The following ME1 variants were observed in gnomAD, a reference collection of about 807,000 sequenced individuals.
ME1 encodes malic enzyme 1.
In ME1, 74 loss-of-function variants were observed where a neutral mutation model predicts 66.4. The observed-to-expected ratio is 1.11, with a 90% CI of 0.92 to 1.35. The LOEUF is 1.35. ME1 is among the 40% of genes most tolerant of loss of function. ME1 has a pLI of 0.00. For missense variants in ME1, 750 were observed against 694.1 expected (o/e 1.08, Z -0.90); for synonymous variants, 251 against 235.6 (o/e 1.07, Z -0.60).
At chr6:83,266,975 T>C (rs1482896806) in intron 6 of ME1, among the ~76,000 whole-genome samples, 2 of 152,186 alleles carry the variant, frequency 1.3e-5, no homozygotes, top group Non-Finnish European at 2.9e-5. Context: ...AGTATGCTTA[T>C]ATTTCAGCCT....
At chr6:83,357,925 CTCTCTCTCTCTATA>C (rs1200894640) in intron 3 of ME1, among the ~76,000 whole-genome samples, 4 of 58,174 alleles carry the variant, frequency 6.9e-5, no homozygotes, top group African/African-American at 1.1e-4. Context: ...CTCTCTCTCT[CTCTCTCTCTCTATA>C]TATATATATA....
At chr6:83,316,517 A>G (rs1768032689) in intron 5 of ME1, among the ~76,000 whole-genome samples, 1 of 152,150 alleles carries the variant, frequency 6.6e-6, no homozygotes, top group Non-Finnish European at 1.5e-5. Flanking sequence ...AGGGAACAAG[A>G]CAAGAATACT....
chr6:83,356,593 C>T (rs1490478182), intron 3 of ME1, among the ~76,000 whole-genome samples: 1 of 152,020 alleles, frequency 6.6e-6, no homozygotes, highest in East Asian at 1.9e-4. Context: ...CTAAGAATGG[C>T]CTTTGAGAAG....
chr6:83,212,113 T>C lies in ME1; in HGVS notation c.1549-19A>G. 1 of 1,545,404 alleles carries C rather than the reference T, an allele frequency of 6.5e-7. No homozygotes were observed. The highest frequency in any genetic ancestry group is 8.8e-7 in the Non-Finnish European group (1 of 1,137,698). Reference sequence around the variant, plus strand: ...TCACAATCTAGATATAAGAAAAGAATATTAATTATTTTAATAAATAGAGGT... The same window carrying C: ...TCACAATCTAGATATAAGAAAAGAACATTAATTATTTTAATAAATAGAGGT... On this transcript the variant is annotated intron_variant, in intron 13 of 13. Coordinates refer to ENST00000369705, the MANE Select transcript of ME1 (RefSeq NM_002395.6).
chr6:83,268,088 C>T (rs993054750), intron 6 of ME1, among the ~76,000 whole-genome samples: 1 of 152,066 alleles, frequency 6.6e-6, no homozygotes, highest in Admixed American at 6.6e-5. Context: ...CTTTTCATTC[C>T]TTTTCTTTTT....
At chr6:83,398,243 A>T in intron 3 of ME1, 124 bp downstream of exon 3, 1 of 655,154 alleles carries the variant, frequency 1.5e-6, no homozygotes, top group Non-Finnish European at 2.5e-6. Flanking sequence ...CATCCTCTGT[A>T]CATCATAAAT....
At chr6:83,319,759 C>T (rs1282926083) in intron 5 of ME1, among the ~76,000 whole-genome samples, 3 of 152,160 alleles carry the variant, frequency 2.0e-5, no homozygotes, top group Non-Finnish European at 2.9e-5. Context: ...AAGAATATTC[C>T]CTTCTCTTCC....
intron 3 of ME1, chr6:83,392,876 C>G: frequency 1.3e-6 from 1 of 786,712 alleles, no homozygotes; most frequent in East Asian, 2.5e-5. Flanking sequence ...CCTGCACCAC[C>G]AGCTGCTTAA....
chr6:83,257,373 C>T (rs1766792899), intron 6 of ME1, among the ~76,000 whole-genome samples: 3 of 151,670 alleles, frequency 2.0e-5, no homozygotes, highest in Admixed American at 1.3e-4. Flanking sequence ...AATTTTTATC[C>T]ATATAAAATA....
chr6:83,215,370 T>C (rs9444046), intron 13 of ME1, among the ~76,000 whole-genome samples: 20,015 of 152,158 alleles, frequency 0.13, 1,722 homozygotes, highest in East Asian at 0.25. Context: ...TGCTGAAGAT[T>C]GTACAATGCC....
intron 2 of ME1, among the ~76,000 whole-genome samples, chr6:83,406,523 G>A (rs1400294809): frequency 1.3e-5 from 2 of 152,062 alleles, no homozygotes; most frequent in Admixed American, 1.3e-4. Flanking sequence ...TCATGAGGGT[G>A]CCATTTTTAC....
intron 3 of ME1, among the ~76,000 whole-genome samples, chr6:83,393,656 C>A (rs1769675428): frequency 1.3e-5 from 2 of 151,904 alleles, no homozygotes; most frequent in Non-Finnish European, 2.9e-5. Context: ...GACTTCAACT[C>A]AAATACTTCG....
At chr6:83,268,728 G>GTTATCATTATTATTA (rs1554264425) in intron 6 of ME1, among the ~76,000 whole-genome samples, 1 of 143,772 alleles carries the variant, frequency 7.0e-6, no homozygotes, top group African/African-American at 2.7e-5. Context: ...ACCATGCCCC[G>GTTATCATTATTATTA]TTATTATTAT....
In ME1 at chr6:83,237,300, G is replaced by GA. The variant is rs1280926931; in HGVS notation, c.1026+416dup. On this transcript the variant is annotated intron_variant, in intron 9 of 13. Transcript: ENST00000369705. ...GAAAGGAAGGAAGGAAGGAAAGAAAGAAAAAGAAAGAAAGAAAAGGAAGGA... is the reference window on the plus strand; with the variant it reads ...GAAAGGAAGGAAGGAAGGAAAGAAAGAAAAAAGAAAGAAAGAAAAGGAAGGA... Among the ~76,000 whole-genome samples the GA allele has an allele frequency of 7.6e-5, 4 of 52,460 alleles. 1 individual carries two copies. Among genetic ancestry groups the GA allele is most frequent in the African/African-American group, 3.1e-4 (4 of 12,920 alleles). The allele number at this position is 52,460 out of a possible 152,430, so 34.4% of individuals were successfully genotyped here. A position where few individuals can be genotyped will look rare whatever the true frequency, so the allele number is the denominator to read the frequency against.
intron 1 of ME1, among the ~76,000 whole-genome samples, chr6:83,409,655 G>A (rs1770008935): frequency 6.6e-6 from 1 of 152,154 alleles, no homozygotes; most frequent in Non-Finnish European, 1.5e-5. Context: ...AGACAAATTG[G>A]TCCACTGAAT....
chr6:83,295,227 C>T (rs778777607), intron 6 of ME1, among the ~76,000 whole-genome samples: 1 of 152,180 alleles, frequency 6.6e-6, no homozygotes, highest in African/African-American at 2.4e-5. Flanking sequence ...TGCACAAAGG[C>T]TCAGCCCTCT....
intron 3 of ME1, among the ~76,000 whole-genome samples, chr6:83,383,000 TA>T (rs1434636624): frequency 2.6e-5 from 4 of 151,808 alleles, no homozygotes; most frequent in Non-Finnish European, 5.9e-5. Context: ...GAAATCTTAT[TA>T]AAAAAGACTG....
At chr6:83,386,898 CA>C (rs1769514578) in intron 3 of ME1, among the ~76,000 whole-genome samples, 2 of 152,040 alleles carry the variant, frequency 1.3e-5, no homozygotes, top group Admixed American at 1.3e-4. Flanking sequence ...TACTGGAAAG[CA>C]ACCACGCTGA....
At chr6:83,246,502 CT>C (rs1399241409) in intron 7 of ME1, among the ~76,000 whole-genome samples, 2 of 151,978 alleles carry the variant, frequency 1.3e-5, no homozygotes, top group Admixed American at 6.6e-5. Context: ...TTTTAACATG[CT>C]TTTTATCTCT....
Sources: allele counts gnomAD v4.1 joint callset (sites outside exome capture counted in the v4.1 genomes callset), GRCh38; gene constraint gnomAD v4.1.1; transcripts MANE v1.5; gene names NCBI Gene and HGNC (gene_info 2026-07-23, HGNC 2026-07-21).